The following TAOK1 variants were observed in gnomAD, a reference collection of about 807,000 sequenced individuals.
The protein encoded by TAOK1 is serine/threonine-protein kinase TAO1.
Under a neutral mutation model 138.3 loss-of-function variants are expected in TAOK1, and 21 were observed. The ratio of observed to expected loss-of-function variants is 0.15; its 90% CI spans 0.11 to 0.22. TAOK1 has a LOEUF of 0.22. Among genes scored for constraint, TAOK1 ranks in the 10% least tolerant of loss-of-function variants. The pLI is 1.00. For synonymous variants in TAOK1, 361 were observed against 398.4 expected, an observed-to-expected ratio of 0.91 and a Z score of 1.12; for missense variants, 651 against 1,227.7, an observed-to-expected ratio of 0.53 and a Z score of 7.02.
At chr17:29,420,893 A>T (rs1351765509) in intron 1 of TAOK1, among the ~76,000 whole-genome samples, 1 of 147,754 alleles carries the variant, frequency 6.8e-6, no homozygotes, top group African/African-American at 2.5e-5. Flanking sequence ...GAAAATACTT[A>T]ATCTTTTATC....
intron 1 of TAOK1, among the ~76,000 whole-genome samples, chr17:29,442,014 C>A (rs2153023496): frequency 6.6e-6 from 1 of 151,726 alleles, no homozygotes; most frequent in East Asian, 1.9e-4. Context: ...CAAGAACCAA[C>A]TTCTTGAAAG....
intron 9 of TAOK1, 99 bp from the exon 10 acceptor site, chr17:29,491,685 T>C: frequency 1.2e-6 from 1 of 824,720 alleles, no homozygotes; most frequent in Non-Finnish European, 2.1e-6. Context: ...ATCATTCCCT[T>C]TCCATTTCCC....
chr17:29,397,626 A>AAATG (rs58767952), intron 1 of TAOK1, among the ~76,000 whole-genome samples: 1 of 107,450 alleles, frequency 9.3e-6, no homozygotes, highest in African/African-American at 4.3e-5. Context: ...ATATATATAT[A>AAATG]TATACATGTA....
At chr17:29,534,340 G>T in intron 19 of TAOK1, 40 bp downstream of exon 19, 1 of 1,453,860 alleles carries the variant, frequency 6.9e-7, no homozygotes, top group Non-Finnish European at 9.1e-7. Context: ...TTTCGAATTA[G>T]CTTTTGTCAG....
chr17:29,409,339 T>A (rs866273102), intron 1 of TAOK1, among the ~76,000 whole-genome samples: 230 of 133,448 alleles, frequency 1.7e-3, no homozygotes, highest in African/African-American at 6.6e-3. Context: ...ATATATTTTT[T>A]TTTTTTTTTT....
At chr17:29,435,642 G>T (rs190614628) in intron 1 of TAOK1, among the ~76,000 whole-genome samples, 9 of 152,296 alleles carry the variant, frequency 5.9e-5, no homozygotes, top group African/African-American at 2.2e-4. Flanking sequence ...CTGCGAAGAT[G>T]AGGGTATTAG....
At chr17:29,531,620 A>G (rs2032110382) in intron 18 of TAOK1, among the ~76,000 whole-genome samples, 1 of 151,638 alleles carries the variant, frequency 6.6e-6, no homozygotes, top group African/African-American at 2.4e-5. Flanking sequence ...AAAATTAGCC[A>G]GGCGTGGTGG....
intron 3 of TAOK1, among the ~76,000 whole-genome samples, chr17:29,474,643 A>G (rs139425944): frequency 2.4e-4 from 36 of 152,306 alleles, no homozygotes; most frequent in African/African-American, 8.7e-4. Context: ...GGCACAGTTC[A>G]TGGCTCCCCA....
intron 1 of TAOK1, among the ~76,000 whole-genome samples, chr17:29,449,924 C>CT (rs2030189949): frequency 6.6e-6 from 1 of 152,082 alleles, no homozygotes. Flanking sequence ...AAGAAAATAG[C>CT]TAACACTTAC....
At chr17:29,473,381 A>G (rs1243975528) in intron 3 of TAOK1, among the ~76,000 whole-genome samples, 2 of 152,130 alleles carry the variant, frequency 1.3e-5, no homozygotes, top group African/African-American at 4.8e-5. Context: ...CACACCTGTA[A>G]TCTCAGCACT....
chr17:29,485,640 A>G (rs570920921), intron 8 of TAOK1, among the ~76,000 whole-genome samples: 48 of 149,306 alleles, frequency 3.2e-4, no homozygotes, highest in Non-Finnish European at 5.7e-4. Context: ...CCCTTTCTAA[A>G]CAAACAAATT....
intron 1 of TAOK1, among the ~76,000 whole-genome samples, chr17:29,419,651 C>T (rs571669107): frequency 5.3e-5 from 8 of 151,894 alleles, no homozygotes; most frequent in Non-Finnish European, 1.2e-4. Context: ...ACCACCACGC[C>T]TGGCTAATTT....
chr17:29,447,662 T>A (rs1293259646), intron 1 of TAOK1, among the ~76,000 whole-genome samples: 10 of 149,044 alleles, frequency 6.7e-5, no homozygotes, highest in Non-Finnish European at 1.1e-4. Context: ...TTATTTTATT[T>A]TTTTTTTTTT....
chr17:29,515,218 T>C (rs2031794598), intron 15 of TAOK1, among the ~76,000 whole-genome samples: 1 of 152,164 alleles, frequency 6.6e-6, no homozygotes, highest in Admixed American at 6.6e-5. Context: ...TGGTTTTGTT[T>C]ATTTTCCATT....
chr17:29,447,451 C>A (rs1212427249), intron 1 of TAOK1, among the ~76,000 whole-genome samples: 1 of 152,064 alleles, frequency 6.6e-6, no homozygotes, highest in Non-Finnish European at 1.5e-5. Context: ...CCACCTCAGC[C>A]TCCCGAGTAG....
intron 1 of TAOK1, among the ~76,000 whole-genome samples, chr17:29,432,033 C>T (rs948040776): frequency 2.6e-5 from 4 of 152,004 alleles, no homozygotes; most frequent in Admixed American, 6.6e-5. Flanking sequence ...GAGACCAGCT[C>T]GGTTGTGGAG....
chr17:29,397,771 A>AT (rs1404109848), intron 1 of TAOK1, among the ~76,000 whole-genome samples: 2 of 147,886 alleles, frequency 1.4e-5, no homozygotes, highest in Non-Finnish European at 3.0e-5. Context: ...ATATGTATAC[A>AT]TGTATATTCG....
chr17:29,527,612 G>T (rs138106618), intron 17 of TAOK1, among the ~76,000 whole-genome samples: 1 of 152,194 alleles, frequency 6.6e-6, no homozygotes, highest in Non-Finnish European at 1.5e-5. Flanking sequence ...ATTTAATGTT[G>T]TAGTATTGAG....
intron 1 of TAOK1, among the ~76,000 whole-genome samples, chr17:29,402,248 A>T (rs1471485534): frequency 6.6e-6 from 1 of 152,198 alleles, no homozygotes; most frequent in Non-Finnish European, 1.5e-5. Flanking sequence ...CTAATGTCAC[A>T]CACTATGTGT....
Sources: gnomAD v4.1 joint callset for allele counts (sites outside exome capture counted in the v4.1 genomes callset) on GRCh38, gnomAD v4.1.1 for gene constraint, MANE v1.5 for transcripts, NCBI Gene and HGNC (gene_info 2026-07-23, HGNC 2026-07-21) for gene names.